The following TRANK1 variants were observed in gnomAD, a reference collection of about 807,000 sequenced individuals.
The protein encoded by TRANK1 is tetratricopeptide repeat and ankyrin repeat containing 1, also known as TPR and ankyrin repeat-containing protein 1.
In TRANK1, 198 loss-of-function variants were observed where a neutral mutation model predicts 266.0. The ratio of observed to expected loss-of-function variants is 0.74; its 90% CI spans 0.66 to 0.84. The LOEUF is 0.84. Ranked by LOEUF, TRANK1 falls within the 40% of genes least tolerant of loss-of-function variation. The pLI is 0.00. For synonymous variants in TRANK1, 1,396 were observed against 1,384.1 expected, an observed-to-expected ratio of 1.01 and a Z score of -0.19; for missense variants, 3,326 against 3,634.6, an observed-to-expected ratio of 0.92 and a Z score of 2.18.
chr3:36,843,935 G>A (rs558642977), intron 17 of TRANK1, among the ~76,000 whole-genome samples: 205 of 152,146 alleles, frequency 1.3e-3, no homozygotes, highest in Middle Eastern at 3.4e-3. Flanking sequence ...TAATTCCCAC[G>A]GCAAAACCCC....
chr3:36,928,272 T>C (rs2080315704), intron 1 of TRANK1, among the ~76,000 whole-genome samples: 1 of 152,180 alleles, frequency 6.6e-6, no homozygotes, highest in Non-Finnish European at 1.5e-5. Flanking sequence ...TGAAGCAACG[T>C]GGTTTTTTGT....
intron 2 of TRANK1, among the ~76,000 whole-genome samples, chr3:36,905,426 C>T (rs564740698): frequency 3.0e-4 from 46 of 152,218 alleles, no homozygotes; most frequent in African/African-American, 1.0e-3. Context: ...TAAGAAGAGA[C>T]GCTGGAGAGC....
Position 36,831,688 on chromosome 3 carries a change from T to C in TRANK1, c.7895A>G (p.Gln2632Arg). 6.2e-7 allele frequency: 1 copy of C among 1,614,034 alleles called. No individual in the cohort carries two copies. Among genetic ancestry groups the C allele is most frequent in the Non-Finnish European group, 8.5e-7 (1 of 1,179,896 alleles). The change falls in exon 22 of 24, where the codon CAG (glutamine) becomes CGG (arginine). Residue 2632 changes from glutamine (Q) to arginine (R), a missense_variant. Transcript: ENST00000645898. The surrounding 1 kb of genome is among the most constrained non-coding windows in gnomAD (Gnocchi z 5.0). ...VNVKSVAEALQDLLFERDEEY... is the reference protein window; with the variant it reads ...VNVKSVAEALRDLLFERDEEY... ...TTCATCCCGCTCAAAGAGCAGGTCC[T>C]GCAGTGCCTCAGCCACAGACTTCAC...
chr3:36,933,302 C>T (rs2080384769), intron 1 of TRANK1, among the ~76,000 whole-genome samples: 1 of 152,256 alleles, frequency 6.6e-6, no homozygotes, highest in African/African-American at 2.4e-5. Context: ...CTCTCGTGCC[C>T]CTTTGTTCAG....
intron 8 of TRANK1, among the ~76,000 whole-genome samples, chr3:36,885,833 C>T (rs909914132): frequency 3.9e-5 from 6 of 152,128 alleles, no homozygotes; most frequent in Non-Finnish European, 8.8e-5. Context: ...AGGCACTGTG[C>T]TGGCCTAAAC....
At chr3:36,907,459 ATTTTT>A (rs1212991729) in intron 2 of TRANK1, among the ~76,000 whole-genome samples, 3 of 104,346 alleles carry the variant, frequency 2.9e-5, no homozygotes, top group African/African-American at 7.8e-5. Flanking sequence ...AAATTTATTG[ATTTTT>A]TTTTTTTTTT....
At chr3:36,938,734 G>A (rs1192782389) in intron 1 of TRANK1, among the ~76,000 whole-genome samples, 1 of 152,036 alleles carries the variant, frequency 6.6e-6, no homozygotes, top group Non-Finnish European at 1.5e-5. Context: ...CGAGGTGGGA[G>A]GATTGCCTGA....
Position 36,944,847 on chromosome 3 carries a change from C to A in TRANK1, c.-38G>T. The A allele has an allele frequency of 6.9e-7, 1 of 1,444,406 alleles. No individual in the cohort carries two copies. Among genetic ancestry groups the A allele is most frequent in the Non-Finnish European group, 9.0e-7 (1 of 1,105,552 alleles). The allele number at this position is 1,444,406 out of a possible 1,614,324, so 89.5% of individuals were successfully genotyped here. On this transcript the variant is annotated 5_prime_UTR_variant, in exon 1 of 24. Coordinates refer to ENST00000645898, the MANE Select transcript of TRANK1 (RefSeq NM_001329998.2). ...AGGGTCCGCACCAGGACCGCCGCCG[C>A]CTGGGGAAGCGCTTCCCTGTGGGCA...
chr3:36,936,407 A>G (rs2080425983), intron 1 of TRANK1, among the ~76,000 whole-genome samples: 1 of 151,696 alleles, frequency 6.6e-6, no homozygotes, highest in Non-Finnish European at 1.5e-5. Context: ...ATCATTTGAG[A>G]CGGAAGAGGT....
intron 1 of TRANK1, among the ~76,000 whole-genome samples, chr3:36,915,369 A>T (rs1301355755): frequency 6.6e-6 from 1 of 152,198 alleles, no homozygotes; most frequent in African/African-American, 2.4e-5. Flanking sequence ...CATCTCAAAC[A>T]TTTATTATTT....
intron 2 of TRANK1, among the ~76,000 whole-genome samples, chr3:36,907,756 A>G (rs1208634479): frequency 1.3e-5 from 2 of 152,046 alleles, no homozygotes; most frequent in African/African-American, 4.8e-5. Flanking sequence ...GAGCCACCGC[A>G]CCCGGCCAAT....
chr3:36,855,481 AGAACATCC>A lies in TRANK1; in HGVS notation c.4233_4240del (p.Glu1411AspfsTer24). 6.2e-7 allele frequency: 1 copy of A among 1,614,018 alleles called. No individual in the cohort carries two copies. Among genetic ancestry groups the A allele is most frequent in the East Asian group, 2.2e-5 (1 of 44,874 alleles). On this transcript the variant is annotated frameshift_variant, in exon 13 of 24. Coordinates refer to ENST00000645898, the MANE Select transcript of TRANK1 (RefSeq NM_001329998.2). LOFTEE classifies it high-confidence loss of function. Reference sequence around the variant, plus strand: ...CGACAGCCTCCGGGATATGTTGTACAGAACATCCTCTTCATCAAAATAACCTTTCTGGG... The same window carrying A: ...CGACAGCCTCCGGGATATGTTGTACATCTTCATCAAAATAACCTTTCTGGG...
chr3:36,836,539 G>A (rs184236481), intron 20 of TRANK1, among the ~76,000 whole-genome samples: 1 of 152,320 alleles, frequency 6.6e-6, no homozygotes, highest in Non-Finnish European at 1.5e-5. Flanking sequence ...GCATGCATTT[G>A]AGCACATATA....
chr3:36,852,395 T>A (rs762972572), intron 13 of TRANK1, 50 bp from the exon 14 acceptor site: 9 of 1,482,260 alleles, frequency 6.1e-6, no homozygotes, highest in Non-Finnish European at 6.3e-6. Flanking sequence ...CATGGCTGAG[T>A]TTTTTGGTTA....
chr3:36,841,360 AGTT>A (rs1373942787), intron 18 of TRANK1, among the ~76,000 whole-genome samples: 6 of 152,252 alleles, frequency 3.9e-5, no homozygotes, highest in African/African-American at 1.2e-4. Flanking sequence ...ACCCAGATCC[AGTT>A]GTTGTTTCAG....
At chr3:36,876,594 A>C (rs1345321006) in intron 8 of TRANK1, among the ~76,000 whole-genome samples, 1 of 152,260 alleles carries the variant, frequency 6.6e-6, no homozygotes, top group East Asian at 1.9e-4. Context: ...AACAGAAAGA[A>C]GAAATAACCA....
intron 3 of TRANK1, 26 bp from the exon 4 acceptor site, chr3:36,899,285 G>T (rs1324948064): frequency 1.3e-6 from 2 of 1,533,056 alleles, no homozygotes; most frequent in African/African-American, 2.7e-5. Context: ...AAGCAAAACT[G>T]TCATGTACCA....
At chr3:36,920,981 T>C (rs1187231110) in intron 1 of TRANK1, among the ~76,000 whole-genome samples, 3 of 152,338 alleles carry the variant, frequency 2.0e-5, no homozygotes, top group African/African-American at 7.2e-5. Context: ...AACTTCCTCG[T>C]AGTTTCAGTA....
intron 10 of TRANK1, among the ~76,000 whole-genome samples, chr3:36,862,799 G>A (rs145898391): frequency 1.3e-5 from 2 of 152,326 alleles, no homozygotes; most frequent in East Asian, 3.9e-4. Flanking sequence ...CCAACTAGCA[G>A]AGAGCTCAGT....
Sources: gnomAD v4.1 joint callset for allele counts (sites outside exome capture counted in the v4.1 genomes callset) on GRCh38, gnomAD v4.1.1 for gene constraint, Gnocchi (gnomAD v3.1) non-coding constraint, MANE v1.5 for transcripts, NCBI Gene and HGNC (gene_info 2026-07-23, HGNC 2026-07-21) for gene names.